The following MYO6 variants were observed in gnomAD, a reference collection of about 807,000 sequenced individuals.
MYO6 encodes the protein unconventional myosin-VI.
MYO6 carries 74 observed loss-of-function variants against 178.7 expected under a neutral mutation model. The observed-to-expected ratio is 0.41, with a 90% CI of 0.34 to 0.50. The LOEUF (loss-of-function observed/expected upper bound fraction) is 0.50, where lower values mean the gene tolerates loss of function less well. Among genes scored for constraint, MYO6 ranks in the 20% least tolerant of loss-of-function variants. The pLI is 0.09. For missense variants in MYO6, 1,330 were observed against 1,547.4 expected (o/e 0.86, Z 2.36); for synonymous variants, 477 against 504.6 (o/e 0.95, Z 0.73).
At chr6:75,796,939 A>C (rs953168246) in intron 1 of MYO6, among the ~76,000 whole-genome samples, 3 of 152,094 alleles carry the variant, frequency 2.0e-5, no homozygotes, top group Admixed American at 2.0e-4. Flanking sequence ...ATGGCTGCAT[A>C]GTATTCCATG....
chr6:75,854,304 T>C (rs1167278504), intron 11 of MYO6, among the ~76,000 whole-genome samples: 1 of 122,940 alleles, frequency 8.1e-6, no homozygotes, highest in African/African-American at 2.8e-5. Flanking sequence ...TTTTTTTTTT[T>C]TTTGCTATTC....
intron 1 of MYO6, among the ~76,000 whole-genome samples, chr6:75,810,372 G>C (rs568334043): frequency 6.6e-6 from 1 of 152,274 alleles, no homozygotes; most frequent in South Asian, 2.1e-4. Flanking sequence ...ATTCTCTTCA[G>C]GGTCTGATAT....
intron 33 of MYO6, 83 bp from the exon 34 acceptor site, chr6:75,913,980 A>G: frequency 8.1e-7 from 1 of 1,233,010 alleles, no homozygotes; most frequent in Non-Finnish European, 1.1e-6. Flanking sequence ...TTTTTAAAAA[A>G]TTATTGGGGT....
At chr6:75,828,756 C>G in intron 4 of MYO6, 143 bp downstream of exon 4, 1 of 642,910 alleles carries the variant, frequency 1.6e-6, no homozygotes, top group Non-Finnish European at 2.8e-6. Context: ...TTAGTGAGGA[C>G]AAAGATTTTT....
chr6:75,838,084 A>C (rs1385407848), intron 7 of MYO6, among the ~76,000 whole-genome samples: 1 of 144,864 alleles, frequency 6.9e-6, no homozygotes, highest in East Asian at 2.0e-4. Context: ...ACTGAGTCTC[A>C]CTCTGTCGCC....
chr6:75,826,091 T>C (rs1377526194), intron 3 of MYO6, among the ~76,000 whole-genome samples: 1 of 152,192 alleles, frequency 6.6e-6, no homozygotes, highest in Non-Finnish European at 1.5e-5. Flanking sequence ...AAGGAATTAT[T>C]TGGTAGAGCA....
intron 3 of MYO6, among the ~76,000 whole-genome samples, chr6:75,823,759 A>T (rs189983985): frequency 6.6e-6 from 1 of 152,186 alleles, no homozygotes; most frequent in Admixed American, 6.5e-5. Context: ...TTCTGATTCT[A>T]TGTTGTTAGG....
intron 30 of MYO6, 89 bp downstream of exon 30, chr6:75,898,500 C>A: frequency 1.9e-6 from 2 of 1,035,940 alleles, no homozygotes; most frequent in South Asian, 1.3e-5. Flanking sequence ...GAACCTGTTA[C>A]ATGAGTAGCC....
chr6:75,869,838 G>GT (rs1776990436), intron 18 of MYO6, among the ~76,000 whole-genome samples: 1 of 152,186 alleles, frequency 6.6e-6, no homozygotes, highest in Non-Finnish European at 1.5e-5. Flanking sequence ...AAGAGGCAGG[G>GT]TGCGGTGGCT....
At chr6:75,905,213 A>G (rs1464995424) in intron 30 of MYO6, among the ~76,000 whole-genome samples, 1 of 152,226 alleles carries the variant, frequency 6.6e-6, no homozygotes, top group African/African-American at 2.4e-5. Context: ...GGTGGAGCCT[A>G]CAGAGGCAGG....
chr6:75,863,546 T>C (rs1188595633), intron 16 of MYO6, among the ~76,000 whole-genome samples: 1 of 151,850 alleles, frequency 6.6e-6, no homozygotes, highest in Non-Finnish European at 1.5e-5. Flanking sequence ...AGTGCAATGG[T>C]GCGATCTCGG....
At chr6:75,761,477 GA>G (rs1777938765) in intron 1 of MYO6, among the ~76,000 whole-genome samples, 1 of 152,026 alleles carries the variant, frequency 6.6e-6, no homozygotes, top group African/African-American at 2.4e-5. Context: ...GGAAAGTGAG[GA>G]TAAGTTAGGA....
At chr6:75,774,543 T>G (rs983426493) in intron 1 of MYO6, among the ~76,000 whole-genome samples, 3 of 152,170 alleles carry the variant, frequency 2.0e-5, no homozygotes, top group Non-Finnish European at 4.4e-5. Flanking sequence ...TTTAGACCTT[T>G]AAATATTGAA....
At chr6:75,778,013 CA>C (rs1165022993) in intron 1 of MYO6, among the ~76,000 whole-genome samples, 10 of 151,936 alleles carry the variant, frequency 6.6e-5, no homozygotes, top group Admixed American at 4.6e-4. Context: ...AAATATTGTA[CA>C]ATATGGTATT....
chr6:75,842,296 T>A (rs753132404), intron 9 of MYO6, among the ~76,000 whole-genome samples: 3 of 152,122 alleles, frequency 2.0e-5, no homozygotes, highest in Non-Finnish European at 2.9e-5. Context: ...ATTTTCAGAT[T>A]CTCAGGTTAG....
chr6:75,858,780 T>C (rs1049751694), intron 13 of MYO6, 122 bp from the exon 14 acceptor site: 24 of 667,614 alleles, frequency 3.6e-5, no homozygotes, highest in Non-Finnish European at 6.2e-5. Context: ...AACAAATATA[T>C]ATAATATACA....
intron 16 of MYO6, 133 bp downstream of exon 16, chr6:75,862,856 G>A: frequency 9.8e-7 from 1 of 1,017,676 alleles, no homozygotes; most frequent in Non-Finnish European, 1.5e-6. Flanking sequence ...ATTATATCCA[G>A]CACAGTATCT....
chr6:75,796,716 C>A (rs1472158988), intron 1 of MYO6, among the ~76,000 whole-genome samples: 1 of 151,776 alleles, frequency 6.6e-6, no homozygotes, highest in Non-Finnish European at 1.5e-5. Flanking sequence ...AGTCCTCTTG[C>A]CTTGGCCTCT....
intron 1 of MYO6, among the ~76,000 whole-genome samples, chr6:75,815,090 G>A (rs1004187985): frequency 1.3e-5 from 2 of 152,178 alleles, no homozygotes; most frequent in Non-Finnish European, 2.9e-5. Context: ...GAAGTGGCAC[G>A]AGTAGAAGCA....
Sources: gnomAD v4.1 joint callset for allele counts (sites outside exome capture counted in the v4.1 genomes callset) on GRCh38, gnomAD v4.1.1 for gene constraint, MANE v1.5 for transcripts, NCBI Gene and HGNC (gene_info 2026-07-23, HGNC 2026-07-21) for gene names.